The following CELA3B variants were observed in gnomAD, a reference collection of about 807,000 sequenced individuals.
The protein encoded by CELA3B is chymotrypsin like elastase 3B.
Under a neutral mutation model 37.2 loss-of-function variants are expected in CELA3B, and 34 were observed. The observed-to-expected ratio is 0.91, with a 90% CI of 0.70 to 1.22. CELA3B has a LOEUF of 1.22. Among genes scored for constraint, CELA3B ranks in the 50% most tolerant of loss-of-function variants. The pLI is 0.00. For missense variants in CELA3B, 340 were observed against 363.1 expected, an observed-to-expected ratio of 0.94 and a Z score of 0.52; for synonymous variants, 127 against 143.5, an observed-to-expected ratio of 0.89 and a Z score of 0.82.
chr1:21,983,529 ACT>A (rs1431805692), intron 4 of CELA3B, among the ~76,000 whole-genome samples, 163 bp from the exon 5 acceptor site: 2 of 130,934 alleles, frequency 1.5e-5, no homozygotes, highest in Non-Finnish European at 3.2e-5. Context: ...ACAGATGGAG[ACT>A]CTGTCTCAAT....
chr1:21,991,995 C>G (rs1384471739), downstream of CELA3B, among the ~76,000 whole-genome samples: 7 of 150,836 alleles, frequency 4.6e-5, no homozygotes, highest in Admixed American at 6.6e-5. Flanking sequence ...TGGTGGGTGC[C>G]TGTAATCCCA....
chr1:21,994,404 A>G (rs1257510405), intron 4 of CELA3B, among the ~76,000 whole-genome samples: 3 of 150,816 alleles, frequency 2.0e-5, no homozygotes, highest in Non-Finnish European at 4.4e-5. Context: ...CTGTCCTACC[A>G]TCTTGGGAGG....
downstream of CELA3B, among the ~76,000 whole-genome samples, chr1:21,992,214 T>G (rs1238460961): frequency 6.6e-6 from 1 of 151,444 alleles, no homozygotes; most frequent in Non-Finnish European, 1.5e-5. Context: ...ATGTTCACTG[T>G]GGGGTGGAGA....
At chr1:21,980,653 C>T (rs1048546143) in intron 2 of CELA3B, among the ~76,000 whole-genome samples, 171 bp from the exon 3 acceptor site, 8 of 146,152 alleles carry the variant, frequency 5.5e-5, no homozygotes, top group Admixed American at 1.4e-4. Flanking sequence ...AGGGCCACCA[C>T]GGGCAGCTGC....
intron 7 of CELA3B, among the ~76,000 whole-genome samples, chr1:21,989,006 T>C (rs1183172624): frequency 6.6e-6 from 1 of 152,038 alleles, no homozygotes; most frequent in African/African-American, 2.4e-5. Context: ...TATGTATATA[T>C]ATCTATGCAC....
chr1:21,983,075 C>T (rs192668641), intron 4 of CELA3B, among the ~76,000 whole-genome samples: 7 of 152,252 alleles, frequency 4.6e-5, no homozygotes, highest in South Asian at 2.1e-4. Context: ...CTTGGCTGGG[C>T]GCGGTGGCTC....
At chr1:21,980,998 T>TG (rs758354481) in intron 3 of CELA3B, 40 bp from the exon 4 acceptor site, 145 of 1,613,614 alleles carry the variant, frequency 9.0e-5, no homozygotes, top group African/African-American at 6.4e-4. Flanking sequence ...AGGAGGGAGG[T>TG]AGCCAGTCAG....
At chr1:21,996,987 A>G (rs1644893238) in intron 4 of CELA3B, among the ~76,000 whole-genome samples, 1 of 151,346 alleles carries the variant, frequency 6.6e-6, no homozygotes, top group African/African-American at 2.4e-5. Flanking sequence ...GTTTTTAAGA[A>G]TTTATTCCAG....
In CELA3B at chr1:21,994,726, A is replaced by C. The variant is rs1301821775; in HGVS notation, c.505-3425A>C. 3.3e-5 allele frequency among the ~76,000 whole-genome samples: 5 copies of C among 151,166 alleles called. 1 individual carries two copies. Among genetic ancestry groups the C allele is most frequent in the East Asian group, 3.9e-4 (2 of 5,104 alleles). ...GTACATTTCCTAGTTGTGGCCAGGC[A>C]TGGTGGCTCAGATCTGTAATCCCAG... On this transcript the variant is annotated intron_variant, in intron 4 of 4. Coordinates refer to the CELA3B transcript ENST00000400277.
chr1:21,986,362 C>T (rs1400862402), intron 6 of CELA3B, among the ~76,000 whole-genome samples, 169 bp from the exon 7 acceptor site: 5 of 151,674 alleles, frequency 3.3e-5, no homozygotes, highest in African/African-American at 7.3e-5. Flanking sequence ...GACAAGAGAG[C>T]GAGACTCCAT....
chr1:21,996,428 G>A (rs1026611456), intron 4 of CELA3B, among the ~76,000 whole-genome samples: 1 of 151,028 alleles, frequency 6.6e-6, no homozygotes, highest in Non-Finnish European at 1.5e-5. Flanking sequence ...CCAGCACCAC[G>A]ACAATTTACA....
chr1:21,996,098 A>G (rs1375848376), intron 4 of CELA3B, among the ~76,000 whole-genome samples: 2 of 151,216 alleles, frequency 1.3e-5, no homozygotes, highest in East Asian at 1.9e-4. Context: ...CTGTAGTTCC[A>G]GCTACTGGGG....
chr1:21,984,824 G>A (rs1353881279), intron 6 of CELA3B, among the ~76,000 whole-genome samples: 1 of 152,010 alleles, frequency 6.6e-6, no homozygotes, highest in Non-Finnish European at 1.5e-5. Context: ...GCCGGTGCCT[G>A]TAATCCCAGT....
At chr1:21,986,020 C>G (rs1261007424) in intron 6 of CELA3B, among the ~76,000 whole-genome samples, 4 of 95,236 alleles carry the variant, frequency 4.2e-5, no homozygotes, top group Admixed American at 1.2e-4. Flanking sequence ...GTGCTAAGAT[C>G]GTGCATCATC....
intron 4 of CELA3B, among the ~76,000 whole-genome samples, chr1:21,983,125 A>G (rs1213431883): frequency 1.3e-5 from 2 of 152,078 alleles, no homozygotes; most frequent in African/African-American, 4.8e-5. Context: ...CCAGGCGGGC[A>G]TATCAGCTAA....
Position 21,984,247 on chromosome 1 carries a change from A to G in CELA3B, c.558A>G (p.Glu186=), listed in dbSNP as rs1296116977. ...CCCTGCTGCCGGTGGTGGACTATGA[A>G]CACTGCTCCAGGTGGAACTGGTGGG... ...QEALLPVVDY[E]HCSRWNWWGS... is the part of the protein sequence containing the mutation. Residue 186 remains glutamate, a synonymous_variant, in exon 6 of 8, where the codon GAA becomes GAG. Coordinates refer to ENST00000337107, the MANE Select transcript of CELA3B (RefSeq NM_007352.4). 9 of 1,614,064 alleles carry G rather than the reference A, an allele frequency of 5.6e-6. No homozygotes were observed. Among genetic ancestry groups the G allele is most frequent in the Middle Eastern group, 1.6e-4 (1 of 6,084 alleles).
chr1:21,985,687 C>G (rs998294085), intron 6 of CELA3B, among the ~76,000 whole-genome samples: 3 of 151,328 alleles, frequency 2.0e-5, no homozygotes, highest in Non-Finnish European at 2.9e-5. Context: ...GTCAGGAGAT[C>G]GAGACCATCC....
intron 4 of CELA3B, among the ~76,000 whole-genome samples, chr1:21,997,437 C>T (rs1644895635): frequency 1.3e-5 from 2 of 149,872 alleles, no homozygotes; most frequent in East Asian, 1.9e-4. Flanking sequence ...GACTGTAATC[C>T]CACACTTTGG....
At chr1:21,991,635 C>T (rs113468761), downstream of CELA3B, among the ~76,000 whole-genome samples, 9,800 of 150,858 alleles carry the variant, frequency 0.065, 1,182 homozygotes, top group African/African-American at 0.2. Context: ...TGTGCCGGGC[C>T]AGGATCTATA....
Sources: gnomAD v4.1 joint callset for allele counts (sites outside exome capture counted in the v4.1 genomes callset) on GRCh38, gnomAD v4.1.1 for gene constraint, MANE v1.5 for transcripts, NCBI Gene and HGNC (gene_info 2026-07-23, HGNC 2026-07-21) for gene names.